KMT2B: variants seen among roughly 807,000 people sequenced by gnomAD.
The protein encoded by KMT2B is lysine methyltransferase 2B.
KMT2B carries 22 observed loss-of-function variants against 255.3 expected under a neutral mutation model. That is an observed-to-expected ratio of 0.09 (90% CI 0.06 to 0.12). KMT2B has a LOEUF of 0.12. KMT2B is among the 10% of genes least tolerant of loss of function. The pLI is 1.00. For missense variants in KMT2B, 3,149 were observed against 3,737.0 expected (o/e 0.84, Z 4.10); for synonymous variants, 1,730 against 1,498.1 (o/e 1.15, Z -3.57).
Position 35,720,717 on chromosome 19 carries a change from C to T in KMT2B, c.1370C>T (p.Pro457Leu). Reference protein sequence around the residue: ...PPAQEEQEESPPPVVPATCSR... With the variant: ...PPAQEEQEESLPPVVPATCSR... ...GCCCAAGAGGAGCAGGAGGAATCCCCTCCTCCTGTGGTCCCAGCTACGTGC... is the reference window on the plus strand; with the variant it reads ...GCCCAAGAGGAGCAGGAGGAATCCCTTCCTCCTGTGGTCCCAGCTACGTGC... The change falls in exon 3 of 37, where the codon CCT becomes CTT. Residue 457 changes from proline to leucine, a missense_variant. Around this residue, in one of 18 missense-constraint regions of KMT2B, gnomAD observed 1,188 missense variants for 1,106.4 expected, o/e 1.07. Transcript: ENST00000420124. The T allele has an allele frequency of 6.8e-7, 1 of 1,476,466 alleles. No homozygotes were observed. Among genetic ancestry groups the T allele is most frequent in the Non-Finnish European group, 9.0e-7 (1 of 1,114,272 alleles). The allele number at this position is 1,476,466 out of a possible 1,614,324, so 91.5% of individuals were successfully genotyped here.
At position 35,720,853 on chromosome 19, in the gene KMT2B, C is replaced by T. The variant is rs748160305; in HGVS notation, c.1506C>T (p.Ala502=). 3.8e-6 allele frequency: 6 copies of T among 1,574,944 alleles called. No individual in the cohort carries two copies. Among genetic ancestry groups the T allele is most frequent in the Non-Finnish European group, 4.3e-6 (5 of 1,160,416 alleles). The change falls in exon 3 of 37, where the codon GCC becomes GCT. Residue 502 remains alanine (A), a synonymous_variant. Transcript: ENST00000420124. ...CTCCCACTCCAACCCCCAGCACCGCCACGGGAGGCCCTCCGGAAGACAGTC... is the reference window on the plus strand; with the variant it reads ...CTCCCACTCCAACCCCCAGCACCGCTACGGGAGGCCCTCCGGAAGACAGTC... ...TSPPTPTPST[A]TGGPPEDSPT...
rs1299441721 is a variant in KMT2B at position 35,718,686 on chromosome 19, G to T, written c.363+305G>T. ...GGAGGTTTGGGCGAGGAGGCAGTGG[G>T]GACTGCATGTCCAGCCAGTCGTGGT... On this transcript the variant is annotated intron_variant, in intron 1 of 36. Transcript: ENST00000420124. This position sits in a 1 kb window ranked among gnomAD's most constrained non-coding sequence, Gnocchi z 5.0. 2.6e-5 allele frequency among the ~76,000 whole-genome samples: 4 copies of T among 152,356 alleles called. No individual in the cohort carries two copies. The East Asian group carries it at 7.7e-4, about 29-fold the overall frequency.
chr19:35,723,744 T>C lies in KMT2B; in HGVS notation c.3071T>C (p.Val1024Ala). The stretch of plus-strand genomic sequence containing the variant: ...CCTGTTCCCGCAGGCCGGACGATAG[T>C]GAAGACGCTGTTGCCCTGGGATTCC... ...ERLAKKGRTI[V>A]KTLLPWDSDE... Residue 1024 changes from valine (V) to alanine (A), a missense_variant, in exon 8 of 37, where the codon GTG becomes GCG. This residue lies in a region of KMT2B where 50 missense variants were observed against 71.9 expected (regional missense o/e 0.70). Coordinates refer to ENST00000420124, the MANE Select transcript of KMT2B (RefSeq NM_014727.3). This position sits in a 1 kb window ranked among gnomAD's most constrained non-coding sequence, Gnocchi z 7.5. 2 of 1,537,820 alleles carry C rather than the reference T, an allele frequency of 1.3e-6. No homozygotes were observed. Among genetic ancestry groups the C allele is most frequent in the Non-Finnish European group, 1.8e-6 (2 of 1,141,802 alleles).
At position 35,730,401 on chromosome 19, in the gene KMT2B, C is replaced by T. The variant is rs1160227907; in HGVS notation, c.5136C>T (p.Gly1712=). 4 of 1,613,816 alleles carry T rather than the reference C, an allele frequency of 2.5e-6. 1 individual carries two copies. The highest frequency in any genetic ancestry group is 2.2e-5 in the South Asian group (2 of 91,084). ...VLRRVYVDFE[G]INFKRKFLTG... ...GCCGAGTCTATGTGGACTTCGAGGGCATCAACTTCAAGCGGAAGTTCTTGA... is the reference window on the plus strand; with the variant it reads ...GCCGAGTCTATGTGGACTTCGAGGGTATCAACTTCAAGCGGAAGTTCTTGA... Residue 1712 remains glycine, a synonymous_variant, in exon 24 of 37, where the codon GGC becomes GGT. Transcript: ENST00000420124.
At position 35,725,231 on chromosome 19, in the gene KMT2B, T is replaced by G; in HGVS notation, c.3540T>G (p.Asp1180Glu). The G allele has an allele frequency of 6.2e-7, 1 of 1,612,102 alleles. No homozygotes were observed. The highest frequency in any genetic ancestry group is 2.2e-5 in the East Asian group (1 of 44,854). ...RVRVDFKEDC[D>E]LENVWLMGGL... ...CTCTCTTCCCCCAGGAGGATTGTGA[T>G]TTAGAGAACGTGTGGCTGATGGGGG... The change falls in exon 11 of 37, where the codon GAT becomes GAG. Residue 1180 changes from aspartate (D) to glutamate (E), a missense_variant. By Grantham distance (45) the Asp-to-Glu change is conservative (BLOSUM62 2). Around this residue, in one of 18 missense-constraint regions of KMT2B, gnomAD observed 42 missense variants for 121.0 expected, o/e 0.35. Transcript: ENST00000420124. The surrounding 1 kb of genome is among the most constrained non-coding windows in gnomAD (Gnocchi z 4.1).
intron 30 of KMT2B, among the ~76,000 whole-genome samples, chr19:35,734,177 C>T (rs1216392576): frequency 6.6e-6 from 1 of 151,986 alleles, no homozygotes; most frequent in South Asian, 2.1e-4. Context: ...CTAGAGTAGC[C>T]AAAGGTGAAG....
Position 35,736,782 on chromosome 19 carries a change from A to G in KMT2B, c.7252A>G (p.Ile2418Val). 6.2e-7 allele frequency: 1 copy of G among 1,613,966 alleles called. No individual in the cohort carries two copies. Among genetic ancestry groups the G allele is most frequent in the Non-Finnish European group, 8.5e-7 (1 of 1,179,862 alleles). Residue 2418 changes from isoleucine (I) to valine (V), a missense_variant, in exon 31 of 37, where the codon ATC becomes GTC. Physicochemically the swap from Ile to Val is conservative, Grantham distance 29 (BLOSUM62 3). Around this residue, in one of 18 missense-constraint regions of KMT2B, gnomAD observed 103 missense variants for 200.7 expected, o/e 0.51. Transcript: ENST00000420124. ...GACTGGCCCACATCTGCGCTTCGAG[A>G]TCAGCAGTGAGGATGGGTTCAGCGT... ...KRTGPHLRFE[I>V]SSEDGFSVEA...
At chr19:35,729,563 G>A (rs887012699) in intron 22 of KMT2B, among the ~76,000 whole-genome samples, 2 of 152,150 alleles carry the variant, frequency 1.3e-5, no homozygotes, top group Non-Finnish European at 2.9e-5. Context: ...CATGCTGGGT[G>A]GCGTTGAGCT....
rs1227672018 is a variant in KMT2B at position 35,719,855 on chromosome 19, G to T, written c.508G>T (p.Ala170Ser). The change falls in exon 3 of 37, where the codon GCT (alanine) becomes TCT (serine). Residue 170 changes from alanine to serine, a missense_variant. By Grantham distance (99) the Ala-to-Ser change is moderately conservative. Around this residue, in one of 18 missense-constraint regions of KMT2B, gnomAD observed 1,188 missense variants for 1,106.4 expected, o/e 1.07. Transcript: ENST00000420124. ...PLPPPRLADV[A>S]PTPPKTPARK... Reference sequence around the variant, plus strand: ...TCCTCCTCCTCGCCTAGCAGATGTGGCTCCTACCCCCCCAAAGACCCCTGC... The same window carrying T: ...TCCTCCTCCTCGCCTAGCAGATGTGTCTCCTACCCCCCCAAAGACCCCTGC... 5 of 1,613,116 alleles carry T rather than the reference G, an allele frequency of 3.1e-6. No homozygotes were observed. The highest frequency in any genetic ancestry group is 4.2e-6 in the Non-Finnish European group (5 of 1,179,820).
chr19:35,733,378 C>T lies in KMT2B; in HGVS notation c.6829C>T (p.Arg2277Cys), dbSNP rs1166713872. 11 of 1,549,572 alleles carry T rather than the reference C, an allele frequency of 7.1e-6. No homozygotes were observed. Among genetic ancestry groups the T allele is most frequent in the East Asian group, 2.4e-5 (1 of 40,910 alleles). The change falls in exon 28 of 37, where the codon CGC becomes TGC. Residue 2277 changes from arginine to cysteine, a missense_variant. By Grantham distance (180) the Arg-to-Cys change is radical. Coordinates refer to ENST00000420124, the MANE Select transcript of KMT2B (RefSeq NM_014727.3). The surrounding 1 kb of genome is among the most constrained non-coding windows in gnomAD (Gnocchi z 4.3). ...GPASPPRQAI[R>C]VKRVSTFSGR... ...AGCCAGCCCGCCCCGCCAGGCCATCCGCGTCAAGAGGGTGTCCACTTTCTC... is the reference window on the plus strand; with the variant it reads ...AGCCAGCCCGCCCCGCCAGGCCATCTGCGTCAAGAGGGTGTCCACTTTCTC...
chr19:35,733,781 C>T lies in KMT2B; in HGVS notation c.7068C>T (p.Ser2356=), dbSNP rs1181464040. Residue 2356 remains serine (S), a synonymous_variant, in exon 30 of 37, where the codon TCC becomes TCT. Coordinates refer to ENST00000420124, the MANE Select transcript of KMT2B (RefSeq NM_014727.3). The surrounding 1 kb of genome is among the most constrained non-coding windows in gnomAD (Gnocchi z 4.3). ...EESPGPLQER[S]PLLPLPEDGP... ...CTCGCAGGCCCCTCCAGGAACGGTC[C>T]CCTTTGCTGCCACTTCCGGAAGATG... 1.2e-6 allele frequency: 2 copies of T among 1,613,536 alleles called. No individual in the cohort carries two copies. Among genetic ancestry groups the T allele is most frequent in the African/African-American group, 2.7e-5 (2 of 74,992 alleles).
At position 35,725,309 on chromosome 19, in the gene KMT2B, G is replaced by T; in HGVS notation, c.3618G>T (p.Leu1206=). ...GGGGCCCCCCGATGGTGTGCTTGCTGTGTGCCAGCAAAGGACTCCACGAGG... is the reference window on the plus strand; with the variant it reads ...GGGGCCCCCCGATGGTGTGCTTGCTTTGTGCCAGCAAAGGACTCCACGAGG... ...VPGGPPMVCL[L]CASKGLHELV... is the part of the protein sequence containing the mutation. Residue 1206 remains leucine, a synonymous_variant, in exon 11 of 37, where the codon CTG becomes CTT. Coordinates refer to ENST00000420124, the MANE Select transcript of KMT2B (RefSeq NM_014727.3). The surrounding 1 kb of genome is among the most constrained non-coding windows in gnomAD (Gnocchi z 4.1). The T allele has an allele frequency of 6.4e-7, 1 of 1,570,112 alleles. No individual in the cohort carries two copies. The highest frequency in any genetic ancestry group is 8.6e-7 in the Non-Finnish European group (1 of 1,158,118).
intron 3 of KMT2B, 68 bp from the exon 4 acceptor site, chr19:35,722,291 C>G: frequency 6.8e-7 from 1 of 1,470,096 alleles, no homozygotes; most frequent in South Asian, 1.3e-5. Flanking sequence ...GCATCAGCCA[C>G]CACACCCAGC....
chr19:35,731,013 TG>T, intron 26 of KMT2B, 146 bp downstream of exon 26: 6 of 948,248 alleles, frequency 6.3e-6, no homozygotes, highest in Non-Finnish European at 9.2e-6. Flanking sequence ...CTTACTGCCA[TG>T]CCTTGTGTGC....
At chr19:35,729,691 G>T (rs1182615482) in intron 22 of KMT2B, among the ~76,000 whole-genome samples, 1 of 152,102 alleles carries the variant, frequency 6.6e-6, no homozygotes, top group East Asian at 1.9e-4. Flanking sequence ...CCACTGCGGG[G>T]GTATCTGTGA....
intron 14 of KMT2B, among the ~76,000 whole-genome samples, chr19:35,726,611 C>T (rs1265449746): frequency 6.6e-6 from 1 of 152,100 alleles, no homozygotes; most frequent in East Asian, 1.9e-4. Flanking sequence ...TGGAACCTCA[C>T]GTCTCCATTG....
At position 35,733,062 on chromosome 19, in the gene KMT2B, G is replaced by A. The variant is rs745747478; in HGVS notation, c.6513G>A (p.Gly2171=). 1.6e-5 allele frequency: 26 copies of A among 1,578,512 alleles called. No individual in the cohort carries two copies. The highest frequency in any genetic ancestry group is 1.9e-5 in the Non-Finnish European group (22 of 1,162,180). Residue 2171 remains glycine (G), a synonymous_variant, in exon 28 of 37, where the codon GGG becomes GGA. Transcript: ENST00000420124. This position sits in a 1 kb window ranked among gnomAD's most constrained non-coding sequence, Gnocchi z 4.3. The stretch of plus-strand genomic sequence containing the variant: ...TTGCCTGGCTCCCAGGGGCCCCAGG[G>A]GTCCGGGTGTTAAGCCTTGGCCCTG... ...RTFAWLPGAP[G]VRVLSLGPAP...
At position 35,724,628 on chromosome 19, in the gene KMT2B, C is replaced by A; in HGVS notation, c.3335-9C>A. 1 of 1,584,700 alleles carries A rather than the reference C, an allele frequency of 6.3e-7. No homozygotes were observed. The highest frequency in any genetic ancestry group is 8.6e-7 in the Non-Finnish European group (1 of 1,165,750). ...GGAGTGACCTCACTGCTCATTGTGT[C>A]CTGCCTAGAGCTGCCACTGCCAGAA... On this transcript the variant is annotated splice_polypyrimidine_tract_variant and intron_variant, in intron 8 of 36. Transcript: ENST00000420124.
intron 5 of KMT2B, 42 bp from the exon 6 acceptor site, chr19:35,722,953 G>A: frequency 1.3e-6 from 2 of 1,495,366 alleles, no homozygotes; most frequent in South Asian, 2.7e-5. Flanking sequence ...GAAGCCTGGT[G>A]GCTTTGTGGC....
Sources: gnomAD v4.1 joint callset for allele counts (sites outside exome capture counted in the v4.1 genomes callset) on GRCh38, gnomAD v4.1.1 for gene constraint, gnomAD v4.1.1 regional missense constraint, Gnocchi (gnomAD v3.1) non-coding constraint, MANE v1.5 for transcripts, NCBI Gene and HGNC (gene_info 2026-07-23, HGNC 2026-07-21) for gene names.